PIK3AP1: variants seen among roughly 807,000 people sequenced by gnomAD.
PIK3AP1 encodes phosphoinositide 3-kinase adapter protein 1.
Under a neutral mutation model 88.1 loss-of-function variants are expected in PIK3AP1, and 21 were observed. The ratio of observed to expected loss-of-function variants is 0.24; its 90% confidence interval spans 0.17 to 0.34. PIK3AP1 has a LOEUF of 0.34. Among genes scored for constraint, PIK3AP1 ranks in the 10% least tolerant of loss-of-function variants. The pLI is 1.00. For missense variants in PIK3AP1, 828 were observed against 1,035.7 expected, an observed-to-expected ratio of 0.80 and a Z score of 2.75; for synonymous variants, 398 against 400.0, an observed-to-expected ratio of 1.00 and a Z score of 0.06.
chr10:96,655,680 T>C (rs1334590956), intron 3 of PIK3AP1, among the ~76,000 whole-genome samples: 1 of 152,162 alleles, frequency 6.6e-6, no homozygotes, highest in African/African-American at 2.4e-5. Context: ...GCTGTTCTCA[T>C]GATAGTGAAT....
rs1379748607 is a variant in PIK3AP1, at chr10:96,690,803, A to G, written c.430+18764T>C. Among the ~76,000 whole-genome samples the G allele has an allele frequency of 3.9e-5, 6 of 152,212 alleles. No homozygotes were observed. The South Asian group carries it at 1.2e-3, about 32-fold the overall frequency. ...TCTCCTGGCCACAGTTAATCAGCCT[A>G]GAGTAAGGCACCTGATCAATTAGAT... is the stretch of plus-strand genomic sequence containing the variant. On this transcript the variant is annotated intron_variant, in intron 2 of 16. Transcript: ENST00000339364.
In PIK3AP1 at chr10:96,720,457, G is replaced by A. The variant is rs1301943561; in HGVS notation, c.-63C>T. On this transcript the variant is annotated 5_prime_UTR_variant, in exon 1 of 17. Coordinates refer to ENST00000339364, the MANE Select transcript of PIK3AP1 (RefSeq NM_152309.3). This position sits in a 1 kb window ranked among gnomAD's most constrained non-coding sequence, Gnocchi z 4.6. ...GCCCGGGGCCGGGACCGGGGCCGGC[G>A]GCGTCCTGGCTCGGGCTGGAGGGGC... is the stretch of plus-strand genomic sequence containing the variant. 8.3e-7 allele frequency: 1 copy of A among 1,211,568 alleles called. No individual in the cohort carries two copies. Among genetic ancestry groups the A allele is most frequent in the Non-Finnish European group, 1.0e-6 (1 of 972,828 alleles). The allele number at this position is 1,211,568 out of a possible 1,614,324, so 75.1% of individuals were successfully genotyped here.
rs1434053170 is a variant in PIK3AP1, at chr10:96,652,764, C to T, written c.646G>A (p.Asp216Asn). 4 of 1,613,964 alleles carry T rather than the reference C, an allele frequency of 2.5e-6. No homozygotes were observed. The highest frequency in any genetic ancestry group is 1.7e-5 in the Admixed American group (1 of 59,982). Residue 216 changes from aspartate to asparagine, a missense_variant, in exon 4 of 17, where the codon GAT (aspartate) becomes AAT (asparagine). Physicochemically the swap from Asp to Asn is conservative, Grantham distance 23. Transcript: ENST00000339364. ...VATEAEFSPE[D>N]SPSVRMEAKV... Reference sequence around the variant, plus strand: ...GCTTCCATCCTTACAGAGGGAGAATCCTCAGGAGAAAACTCTGCTTCTGTC... The same window carrying T: ...GCTTCCATCCTTACAGAGGGAGAATTCTCAGGAGAAAACTCTGCTTCTGTC...
intron 2 of PIK3AP1, among the ~76,000 whole-genome samples, chr10:96,676,142 T>A (rs1843915890): frequency 6.6e-6 from 1 of 152,120 alleles, no homozygotes; most frequent in South Asian, 2.1e-4. Context: ...GCCTGTCCCA[T>A]GCCAGCTGTG....
At chr10:96,609,654 A>C in intron 14 of PIK3AP1, 58 bp downstream of exon 14, 1 of 1,575,978 alleles carries the variant, frequency 6.3e-7, no homozygotes, top group Non-Finnish European at 8.6e-7. Context: ...CTAAGGTCCA[A>C]GGGTGCCAGC....
At chr10:96,670,575 A>G (rs1843832292) in intron 2 of PIK3AP1, among the ~76,000 whole-genome samples, 1 of 152,150 alleles carries the variant, frequency 6.6e-6, no homozygotes, top group Non-Finnish European at 1.5e-5. Context: ...TCTGGGCCAC[A>G]AGAAACACCT....
Position 96,628,905 on chromosome 10 carries a change from T to C in PIK3AP1, c.1376-412A>G, listed in dbSNP as rs61858225. 6.5e-3 allele frequency among the ~76,000 whole-genome samples: 85 copies of C among 13,020 alleles called. 9 individuals carry two copies. In the East Asian group the frequency reaches 0.095, roughly 15 times the overall value. 8.5% of individuals were successfully genotyped at this position (13,020 alleles called of 152,430 possible). A position where few individuals can be genotyped will look rare whatever the true frequency, so the allele number is the denominator to read the frequency against. On this transcript the variant is annotated intron_variant, in intron 8 of 16. Transcript: ENST00000339364. ...ATATATATACATATATATATATATA[T>C]ATGTGTATATATATATATATATATG...
At chr10:96,698,111 G>A (rs1234463225) in intron 2 of PIK3AP1, among the ~76,000 whole-genome samples, 3 of 152,164 alleles carry the variant, frequency 2.0e-5, no homozygotes, top group Admixed American at 6.5e-5. Context: ...AAGGGCAGAC[G>A]AGCACCCTGG....
Position 96,620,543 on chromosome 10 carries a change from G to T in PIK3AP1, c.1750C>A (p.Pro584Thr). ...CTCGACTGGGGCCTGTCCCTCCATG[G>T]TCTGACGGGCGGCCCTGGAAAGGAT... ...ESIRKGPPVR[P>T]WRDRPQSSIY... The change falls in exon 12 of 17, where the codon CCA (proline) becomes ACA (threonine). Residue 584 changes from proline (P) to threonine (T), a missense_variant. Physicochemically the swap from Pro to Thr is conservative, Grantham distance 38. Coordinates refer to ENST00000339364, the MANE Select transcript of PIK3AP1 (RefSeq NM_152309.3). 6.2e-7 allele frequency: 1 copy of T among 1,612,786 alleles called. No homozygotes were observed.
Position 96,720,513 on chromosome 10 carries a change from C to G in PIK3AP1, c.-119G>C, listed in dbSNP as rs1047632925. 2.4e-5 allele frequency: 22 copies of G among 933,154 alleles called. No homozygotes were observed. Among genetic ancestry groups the G allele is most frequent in the Middle Eastern group, 4.1e-4 (1 of 2,464 alleles). The allele number at this position is 933,154 out of a possible 1,614,324, so 57.8% of individuals were successfully genotyped here. ...GCTCCGCGCGGGACCGGCCGCCGCT[C>G]TGGCGCTTCCTCCCTCAGGGCAGCC... On this transcript the variant is annotated 5_prime_UTR_variant, in exon 1 of 17. Coordinates refer to ENST00000339364, the MANE Select transcript of PIK3AP1 (RefSeq NM_152309.3). The surrounding 1 kb of genome is among the most constrained non-coding windows in gnomAD (Gnocchi z 4.6).
intron 1 of PIK3AP1, among the ~76,000 whole-genome samples, chr10:96,712,110 T>C (rs1458798319): frequency 2.0e-5 from 3 of 152,106 alleles, no homozygotes; most frequent in Non-Finnish European, 2.9e-5. Flanking sequence ...TTTCATTCTG[T>C]TTTGAGTCCC....
chr10:96,597,218 G>A (rs1564947844), intron 16 of PIK3AP1, among the ~76,000 whole-genome samples: 2 of 151,970 alleles, frequency 1.3e-5, no homozygotes, highest in African/African-American at 4.8e-5. Flanking sequence ...ACTTTTACCT[G>A]AGCAAATTTA....
At chr10:96,661,543 T>C (rs1272630840) in intron 2 of PIK3AP1, among the ~76,000 whole-genome samples, 5 of 152,176 alleles carry the variant, frequency 3.3e-5, no homozygotes, top group South Asian at 2.1e-4. Flanking sequence ...TGTGTGTACA[T>C]AGGGGCAGAG....
intron 2 of PIK3AP1, among the ~76,000 whole-genome samples, chr10:96,700,204 G>A (rs1279409991): frequency 1.3e-5 from 2 of 152,150 alleles, no homozygotes; most frequent in South Asian, 2.1e-4. Flanking sequence ...AGTGTAACGC[G>A]AACAGGAGAA....
chr10:96,617,188 T>A (rs1248718137), intron 12 of PIK3AP1, among the ~76,000 whole-genome samples: 1 of 152,246 alleles, frequency 6.6e-6, no homozygotes, highest in Non-Finnish European at 1.5e-5. Flanking sequence ...CACACTCTTG[T>A]GCCTTGCCTC....
Position 96,639,845 on chromosome 10 carries a change from C to T in PIK3AP1, c.1375+5628G>A, listed in dbSNP as rs140624372. Among the ~76,000 whole-genome samples the T allele has an allele frequency of 1.4e-4, 22 of 152,304 alleles. 2 individuals are homozygous for T. In the East Asian group the frequency reaches 2.3e-3, roughly 16 times the overall value. The stretch of plus-strand genomic sequence containing the variant: ...TAGGAGAGACAGTATGTTTCATAAG[C>T]AAACCAGTAATGTAGTCATTTTGCA... On this transcript the variant is annotated intron_variant, in intron 8 of 16. Coordinates refer to ENST00000339364, the MANE Select transcript of PIK3AP1 (RefSeq NM_152309.3).
At chr10:96,673,750 G>C (rs1391840463) in intron 2 of PIK3AP1, among the ~76,000 whole-genome samples, 1 of 152,124 alleles carries the variant, frequency 6.6e-6, no homozygotes, top group African/African-American at 2.4e-5. Flanking sequence ...ACATAAATGT[G>C]ATTTATTTTC....
At position 96,667,272 on chromosome 10, in the gene PIK3AP1, AGG is replaced by A. The variant is rs559472395; in HGVS notation, c.431-10340_431-10339del. 1.3e-3 allele frequency among the ~76,000 whole-genome samples: 194 copies of A among 152,302 alleles called. 1 individual carries two copies. The highest frequency in any genetic ancestry group is 4.5e-3 in the African/African-American group (186 of 41,564). On this transcript the variant is annotated intron_variant, in intron 2 of 16. Coordinates refer to ENST00000339364, the MANE Select transcript of PIK3AP1 (RefSeq NM_152309.3). ...TCTGGTACTCAGTTGGCGCTCTGGA[AGG>A]GGTGTGGAAAAGAATGACGTTTGCT...
chr10:96,702,385 G>GCTACT (rs531944740), intron 2 of PIK3AP1, among the ~76,000 whole-genome samples: 2 of 151,902 alleles, frequency 1.3e-5, no homozygotes, highest in Non-Finnish European at 2.9e-5. Flanking sequence ...TGTAGTCCCA[G>GCTACT]CTACTCAGGA....
Sources: gnomAD v4.1 joint callset for allele counts (sites outside exome capture counted in the v4.1 genomes callset) on GRCh38, gnomAD v4.1.1 for gene constraint, Gnocchi (gnomAD v3.1) non-coding constraint, MANE v1.5 for transcripts, NCBI Gene and HGNC (gene_info 2026-07-23, HGNC 2026-07-21) for gene names.